RGS7: variants seen among roughly 807,000 people sequenced by gnomAD.
RGS7 encodes regulator of G-protein signaling 7.
In RGS7, 27 loss-of-function variants were observed where a neutral mutation model predicts 81.1. The ratio of observed to expected loss-of-function variants is 0.33; its 90% CI spans 0.25 to 0.46. RGS7 has a LOEUF of 0.46. Ranked by LOEUF, RGS7 falls within the 20% of genes least tolerant of loss-of-function variation. The pLI is 1.00. For synonymous variants in RGS7, 208 were observed against 207.7 expected (o/e 1.00, Z -0.01); for missense variants, 396 against 607.4 (o/e 0.65, Z 3.66).
chr1:240,978,305 TAGTATCTATATATACCTAAAA>T (rs1684442281), intron 4 of RGS7, among the ~76,000 whole-genome samples: 1 of 152,200 alleles, frequency 6.6e-6, no homozygotes, highest in African/African-American at 2.4e-5. Flanking sequence ...AAGATTATAA[TAGTATCTATATATACCTAAAA>T]TACTCAACTT....
intron 3 of RGS7, among the ~76,000 whole-genome samples, chr1:241,005,993 A>G (rs185995821): frequency 6.6e-6 from 1 of 152,364 alleles, no homozygotes; most frequent in Non-Finnish European, 1.5e-5. Flanking sequence ...CTTATAAAAA[A>G]TGCTATGAAC....
At chr1:241,312,831 A>G (rs1384287223) in intron 2 of RGS7, among the ~76,000 whole-genome samples, 1 of 148,792 alleles carries the variant, frequency 6.7e-6, no homozygotes, top group South Asian at 2.2e-4. Context: ...GCATGTAGAA[A>G]GCTAAGATAA....
At chr1:240,998,667 C>A in intron 3 of RGS7, 1 of 1,145,846 alleles carries the variant, frequency 8.7e-7, no homozygotes, top group Non-Finnish European at 1.3e-6. Flanking sequence ...CAAGCCAGGC[C>A]AAAAGGGTTC....
In RGS7 at chr1:241,336,330, CA is replaced by C. The variant is rs1451443982; in HGVS notation, c.78+19368del. Among the ~76,000 whole-genome samples, 9 of 152,262 alleles carry C rather than the reference CA, an allele frequency of 5.9e-5. No homozygotes were observed. In the East Asian group the frequency reaches 1.7e-3, roughly 29 times the overall value. On this transcript the variant is annotated intron_variant, in intron 2 of 18. Coordinates refer to ENST00000440928, the MANE Select transcript of RGS7 (RefSeq NM_001364886.1). The stretch of plus-strand genomic sequence containing the variant: ...TGACCATATGACCACCTAGATCTTA[CA>C]AAATATATTTGCAGAGCATGCCACC...
At chr1:241,306,170 T>A (rs1030162454) in intron 2 of RGS7, among the ~76,000 whole-genome samples, 1 of 143,420 alleles carries the variant, frequency 7.0e-6, no homozygotes. Context: ...CCACACACAT[T>A]CACACACCCT....
intron 6 of RGS7, among the ~76,000 whole-genome samples, chr1:240,878,591 A>G (rs1665871961): frequency 6.7e-6 from 1 of 148,288 alleles, no homozygotes; most frequent in Non-Finnish European, 1.5e-5. Context: ...AAGGCCCATT[A>G]ATACATTAGA....
At chr1:240,803,182 G>A (rs552172286) in intron 15 of RGS7, among the ~76,000 whole-genome samples, 189 bp from the exon 16 acceptor site, 20 of 152,194 alleles carry the variant, frequency 1.3e-4, no homozygotes, top group African/African-American at 4.8e-4. Flanking sequence ...ATAGATCATT[G>A]TTTAAATTGG....
chr1:241,229,720 A>G (rs1234602760), intron 2 of RGS7, among the ~76,000 whole-genome samples: 1 of 152,234 alleles, frequency 6.6e-6, no homozygotes, highest in Non-Finnish European at 1.5e-5. Context: ...AATGAACTTG[A>G]CTGGTCTGGG....
chr1:240,935,837 A>G lies in RGS7; in HGVS notation c.333+763T>C, dbSNP rs186803195. Among the ~76,000 whole-genome samples the G allele has an allele frequency of 2.0e-5, 3 of 152,332 alleles. No individual in the cohort carries two copies. The East Asian group carries it at 5.8e-4, about 29-fold the overall frequency. ...TGGACTGTGGGGAGAACCCTCCAGC[A>G]AATACCTCTTGGAAATGGATTAGAG... is the stretch of plus-strand genomic sequence containing the variant. On this transcript the variant is annotated intron_variant, in intron 5 of 18. Coordinates refer to ENST00000440928, the MANE Select transcript of RGS7 (RefSeq NM_001364886.1).
rs536502002 is a variant in RGS7 at position 240,868,847 on chromosome 1, G to A, written c.456C>T (p.Ser152=). The change falls in exon 8 of 19, where the codon AGC becomes AGT. Residue 152 remains serine, a synonymous_variant. Transcript: ENST00000440928. The surrounding 1 kb of genome is among the most constrained non-coding windows in gnomAD (Gnocchi z 5.1). ...CAAATGCTCTCTGCAGCCTGGCCAG[G>A]CTCTCCTGAAAAACATACCCCAGGT... ...RLELADYEAE[S]LARLQRAFAR... The A allele has an allele frequency of 1.9e-6, 3 of 1,613,836 alleles. No individual in the cohort carries two copies. The South Asian group carries it at 3.3e-5, about 18-fold the overall frequency.
intron 2 of RGS7, among the ~76,000 whole-genome samples, chr1:241,167,081 T>C (rs1281734698): frequency 6.6e-6 from 1 of 152,202 alleles, no homozygotes; most frequent in Admixed American, 6.5e-5. Flanking sequence ...ATGGATAACC[T>C]GTCTTTTAGT....
At chr1:240,797,680 A>T (rs2103036791) in intron 18 of RGS7, among the ~76,000 whole-genome samples, 1 of 152,262 alleles carries the variant, frequency 6.6e-6, no homozygotes, top group East Asian at 1.9e-4. Context: ...TGGCTGAAAA[A>T]GTGGTGTCAG....
At chr1:241,009,740 T>C (rs2058858399) in intron 3 of RGS7, among the ~76,000 whole-genome samples, 1 of 152,216 alleles carries the variant, frequency 6.6e-6, no homozygotes, top group South Asian at 2.1e-4. Context: ...ATGGGCATGT[T>C]AGAAGGCATA....
chr1:240,858,663 G>A (rs919540095), intron 9 of RGS7, among the ~76,000 whole-genome samples: 1 of 152,088 alleles, frequency 6.6e-6, no homozygotes, highest in Non-Finnish European at 1.5e-5. Context: ...CCAGTCTGTG[G>A]CTTGAATTCT....
At chr1:240,839,713 C>T (rs1695293054) in intron 9 of RGS7, among the ~76,000 whole-genome samples, 2 of 152,162 alleles carry the variant, frequency 1.3e-5, no homozygotes, top group Admixed American at 6.5e-5. Context: ...CAATGATGCA[C>T]TCTCTTGTCT....
intron 9 of RGS7, among the ~76,000 whole-genome samples, chr1:240,835,406 T>G (rs1297242278): frequency 6.6e-6 from 1 of 152,206 alleles, no homozygotes; most frequent in Non-Finnish European, 1.5e-5. Context: ...TACACACCTA[T>G]TAGAATTGCC....
intron 2 of RGS7, among the ~76,000 whole-genome samples, chr1:241,313,152 T>C (rs1211775571): frequency 6.6e-6 from 1 of 152,178 alleles, no homozygotes; most frequent in African/African-American, 2.4e-5. Context: ...CTCCGTAACA[T>C]AAAAGTACAA....
intron 2 of RGS7, among the ~76,000 whole-genome samples, chr1:241,313,491 G>A (rs1573628945): frequency 6.6e-6 from 1 of 152,128 alleles, no homozygotes; most frequent in Non-Finnish European, 1.5e-5. Context: ...CTCTATCAAT[G>A]GAGCAACAAG....
chr1:240,823,503 G>A (rs571139481), intron 10 of RGS7: 3 of 185,088 alleles, frequency 1.6e-5, no homozygotes, highest in South Asian at 2.0e-4. Flanking sequence ...CGCCATCGAC[G>A]CGGTGCCCGG....
Sources: allele counts gnomAD v4.1 joint callset (sites outside exome capture counted in the v4.1 genomes callset), GRCh38; gene constraint gnomAD v4.1.1; non-coding constraint Gnocchi (gnomAD v3.1); transcripts MANE v1.5; gene names NCBI Gene and HGNC (gene_info 2026-07-23, HGNC 2026-07-21).